The following RTN1 variants were observed in gnomAD, a reference collection of about 807,000 sequenced individuals.
The protein encoded by RTN1 is reticulon-1.
A neutral mutation model predicts 65.5 loss-of-function variants in RTN1; 25 were observed. That is an observed-to-expected ratio of 0.38 (90% CI 0.28 to 0.53). The LOEUF (loss-of-function observed/expected upper bound fraction) is 0.53, where lower values mean the gene tolerates loss of function less well. RTN1 is among the 20% of genes least tolerant of loss of function. The probability of loss-of-function intolerance (pLI) is 0.79; values close to 1 mark genes in which losing one functional copy is unlikely to be tolerated. For synonymous variants in RTN1, 471 were observed against 447.6 expected (o/e 1.05, Z -0.66); for missense variants, 983 against 1,025.4 (o/e 0.96, Z 0.57).
At chr14:59,630,080 C>T (rs1179704562) in intron 3 of RTN1, among the ~76,000 whole-genome samples, 1 of 152,048 alleles carries the variant, frequency 6.6e-6, no homozygotes, top group East Asian at 1.9e-4. Flanking sequence ...AATAAATGCA[C>T]TGGGATGCAT....
At position 59,753,707 on chromosome 14, in the gene RTN1, T is replaced by C. The variant is rs1466443563; in HGVS notation, c.242-7226A>G. On this transcript the variant is annotated intron_variant, in intron 1 of 8. Transcript: ENST00000267484. Reference sequence around the variant, plus strand: ...GAGCCTGAAGGCCCAGGAAAGCCAATTAATTCTTGTCAGCACTTCCTGCAG... The same window carrying C: ...GAGCCTGAAGGCCCAGGAAAGCCAACTAATTCTTGTCAGCACTTCCTGCAG... Among the ~76,000 whole-genome samples, 3 of 152,298 alleles carry C rather than the reference T, an allele frequency of 2.0e-5. No individual in the cohort carries two copies. In the East Asian group the frequency reaches 5.8e-4, roughly 29 times the overall value.
intron 1 of RTN1, among the ~76,000 whole-genome samples, chr14:59,770,915 C>T (rs1027617568): frequency 6.6e-6 from 1 of 152,052 alleles, no homozygotes. Context: ...GGCATGGTGG[C>T]CGGTGTCTGC....
At chr14:59,707,175 T>A (rs948387694) in intron 3 of RTN1, among the ~76,000 whole-genome samples, 3 of 152,184 alleles carry the variant, frequency 2.0e-5, no homozygotes, top group Non-Finnish European at 4.4e-5. Flanking sequence ...GCAGATTTGT[T>A]TTTCATCCAT....
intron 3 of RTN1, among the ~76,000 whole-genome samples, chr14:59,678,919 T>C (rs1883685597): frequency 6.6e-6 from 1 of 152,254 alleles, no homozygotes; most frequent in African/African-American, 2.4e-5. Flanking sequence ...CAGGTAATTC[T>C]TATGCACATA....
intron 1 of RTN1, among the ~76,000 whole-genome samples, chr14:59,748,798 G>GT (rs1180455077): frequency 6.6e-6 from 1 of 151,802 alleles, no homozygotes; most frequent in African/African-American, 2.4e-5. Flanking sequence ...TGATATTTTT[G>GT]TGGGGGCGGA....
intron 3 of RTN1, among the ~76,000 whole-genome samples, chr14:59,726,430 G>A (rs1884761361): frequency 6.6e-6 from 1 of 152,106 alleles, no homozygotes; most frequent in Non-Finnish European, 1.5e-5. Context: ...TTGCCCTTGG[G>A]TAAGAGAAAG....
intron 3 of RTN1, among the ~76,000 whole-genome samples, chr14:59,653,618 CTATA>C (rs969293425): frequency 8.6e-5 from 13 of 151,410 alleles, no homozygotes; most frequent in East Asian, 7.7e-4. Context: ...TAAAATAAAA[CTATA>C]TATATAAAGC....
Position 59,870,203 on chromosome 14 carries a change from G to A in RTN1, c.241+187C>T, listed in dbSNP as rs555915455. ...CATCTTGACTTTTTCTGAGCCTTTG[G>A]GAAAAATAAAATTGTTGTTTTCTAC... On this transcript the variant is annotated intron_variant, in intron 1 of 8. Coordinates refer to ENST00000267484, the MANE Select transcript of RTN1 (RefSeq NM_021136.3). The surrounding 1 kb of genome is among the most constrained non-coding windows in gnomAD (Gnocchi z 5.1). Among the ~76,000 whole-genome samples, 3 of 152,338 alleles carry A rather than the reference G, an allele frequency of 2.0e-5. No individual in the cohort carries two copies. Among genetic ancestry groups the A allele is most frequent in the South Asian group, 4.1e-4 (2 of 4,828 alleles).
chr14:59,682,804 C>T (rs1883771881), intron 3 of RTN1, among the ~76,000 whole-genome samples: 1 of 152,122 alleles, frequency 6.6e-6, no homozygotes. Context: ...ATTAAAGTGA[C>T]TAATCATAGG....
intron 1 of RTN1, among the ~76,000 whole-genome samples, chr14:59,815,829 A>G (rs952503371): frequency 3.3e-5 from 5 of 151,988 alleles, no homozygotes; most frequent in African/African-American, 1.2e-4. Flanking sequence ...CATATTACTG[A>G]TTCCCATCCC....
intron 3 of RTN1, among the ~76,000 whole-genome samples, chr14:59,632,951 T>G (rs7154405): frequency 1.3e-5 from 2 of 151,424 alleles, no homozygotes; most frequent in Non-Finnish European, 2.9e-5. Context: ...AAAAAAAAAA[T>G]TTTTTCCGGG....
intron 3 of RTN1, among the ~76,000 whole-genome samples, chr14:59,725,482 G>A (rs1017501643): frequency 3.9e-5 from 6 of 152,174 alleles, no homozygotes; most frequent in East Asian, 1.9e-4. Context: ...AAGCTGCAGC[G>A]TCTTTTCTTA....
At chr14:59,750,005 TACATATATATTATA>T (rs1249361497) in intron 1 of RTN1, among the ~76,000 whole-genome samples, 5 of 98,926 alleles carry the variant, frequency 5.1e-5, no homozygotes, top group Admixed American at 1.8e-4. Context: ...ATATATTATA[TACATATATATTATA>T]TATTATATTA....
chr14:59,712,424 A>G (rs1884442826), intron 3 of RTN1, among the ~76,000 whole-genome samples: 1 of 152,202 alleles, frequency 6.6e-6, no homozygotes, highest in South Asian at 2.1e-4. Flanking sequence ...AAAATGACAA[A>G]TTGGGTCAGC....
Position 59,727,763 on chromosome 14 carries a change from C to T in RTN1, c.1016-95G>A, listed in dbSNP as rs967235773. The T allele has an allele frequency of 4.2e-6, 6 of 1,445,200 alleles. No homozygotes were observed. Among genetic ancestry groups the T allele is most frequent in the Admixed American group, 2.6e-5 (1 of 37,832 alleles). 89.5% of individuals were successfully genotyped at this position (1,445,200 alleles called of 1,614,324 possible). On this transcript the variant is annotated intron_variant, in intron 2 of 8. Coordinates refer to ENST00000267484, the MANE Select transcript of RTN1 (RefSeq NM_021136.3). The surrounding 1 kb of genome is among the most constrained non-coding windows in gnomAD (Gnocchi z 4.2). ...AGGGATAAAACAAAATTCCATTAGGCGAGATGTTTTGTCGTTGCTTGAGAA... is the reference window on the plus strand; with the variant it reads ...AGGGATAAAACAAAATTCCATTAGGTGAGATGTTTTGTCGTTGCTTGAGAA...
intron 1 of RTN1, among the ~76,000 whole-genome samples, chr14:59,856,209 C>A (rs1347508018): frequency 1.3e-5 from 2 of 152,082 alleles, no homozygotes; most frequent in Non-Finnish European, 2.9e-5. Context: ...TATGCAATGT[C>A]CAGGATTTTT....
chr14:59,620,702 T>C (rs974291259), intron 3 of RTN1, among the ~76,000 whole-genome samples: 2 of 152,198 alleles, frequency 1.3e-5, no homozygotes, highest in African/African-American at 4.8e-5. Context: ...AATGAATAAA[T>C]GGACTGCCAA....
At chr14:59,769,737 T>C (rs545207531) in intron 1 of RTN1, among the ~76,000 whole-genome samples, 24 of 152,312 alleles carry the variant, frequency 1.6e-4, no homozygotes, top group African/African-American at 5.3e-4. Flanking sequence ...GATTGCAAGG[T>C]GAGTAAGGCA....
intron 3 of RTN1, among the ~76,000 whole-genome samples, chr14:59,664,840 T>A (rs919287807): frequency 1.3e-5 from 2 of 152,190 alleles, no homozygotes; most frequent in Non-Finnish European, 1.5e-5. Flanking sequence ...AAGTTTTTAT[T>A]TCCCTGGGAT....
Sources: allele counts gnomAD v4.1 joint callset (sites outside exome capture counted in the v4.1 genomes callset), GRCh38; gene constraint gnomAD v4.1.1; non-coding constraint Gnocchi (gnomAD v3.1); transcripts MANE v1.5; gene names NCBI Gene and HGNC (gene_info 2026-07-23, HGNC 2026-07-21).